The following GLI2 variants were observed in gnomAD, a reference collection of about 807,000 sequenced individuals.
GLI2 encodes the protein transcription activator GLI2.
GLI2 carries 22 observed loss-of-function variants against 78.9 expected under a neutral mutation model. The ratio of observed to expected loss-of-function variants is 0.28; its 90% confidence interval spans 0.20 to 0.40. The LOEUF is 0.40. Ranked by LOEUF, GLI2 falls within the 10% of genes least tolerant of loss-of-function variation. GLI2 has a pLI of 1.00. For synonymous variants in GLI2, 974 were observed against 963.7 expected (o/e 1.01, Z -0.20); for missense variants, 2,097 against 2,213.2 (o/e 0.95, Z 1.05).
intron 3 of GLI2, among the ~76,000 whole-genome samples, chr2:120,948,744 C>T (rs1680836735): frequency 1.3e-5 from 2 of 152,180 alleles, no homozygotes; most frequent in Admixed American, 1.3e-4. Flanking sequence ...TGGCACACCC[C>T]ACAGGGCAAC....
intron 2 of GLI2, among the ~76,000 whole-genome samples, chr2:120,881,694 TC>T (rs1677144591): frequency 3.5e-5 from 1 of 28,616 alleles, no homozygotes; most frequent in Non-Finnish European, 6.7e-5. Flanking sequence ...GGGAGGATAG[TC>T]GGGAGGACAG....
chr2:120,955,152 CCTTTTTTTTTTTT>C lies in GLI2; in HGVS notation c.458-92_458-80del, dbSNP rs1292028642. On this transcript the variant is annotated intron_variant, in intron 4 of 13. Coordinates refer to ENST00000361492, the MANE Select transcript of GLI2 (RefSeq NM_001374353.1). ...GACACCAGGTGTGCATTTCTCTCTG[CCTTTTTTTTTTTT>C]TTTTTTTTTTTTTTTTGGCAGGAGA... is the stretch of plus-strand genomic sequence containing the variant. 2.8e-3 allele frequency: 867 copies of C among 304,810 alleles called. 10 individuals are homozygous for C. The highest frequency in any genetic ancestry group is 0.014 in the African/African-American group (523 of 38,314). 18.9% of individuals were successfully genotyped at this position (304,810 alleles called of 1,614,324 possible).
At chr2:120,773,903 CTCCTTCCTTCCT>C (rs535223818) in intron 1 of GLI2, among the ~76,000 whole-genome samples, 3 of 114,082 alleles carry the variant, frequency 2.6e-5, no homozygotes, top group Non-Finnish European at 5.2e-5. Flanking sequence ...CCCTGCCTCC[CTCCTTCCTTCCT>C]TCCTTCCTTC....
chr2:120,846,143 A>T (rs547227894), intron 2 of GLI2, among the ~76,000 whole-genome samples: 1 of 152,242 alleles, frequency 6.6e-6, no homozygotes, highest in Non-Finnish European at 1.5e-5. Context: ...CCCGTCAGTC[A>T]TTCTGGTTTC....
chr2:120,842,443 C>G (rs1573465107), intron 2 of GLI2, among the ~76,000 whole-genome samples: 1 of 151,988 alleles, frequency 6.6e-6, no homozygotes, highest in Non-Finnish European at 1.5e-5. Flanking sequence ...GTTTGGTATT[C>G]CATTATGTGG....
In GLI2 at chr2:120,822,331, A is replaced by G. The variant is rs76369699; in HGVS notation, c.148+24863A>G. 2.6e-3 allele frequency among the ~76,000 whole-genome samples: 399 copies of G among 152,360 alleles called. 3 individuals are homozygous for G. Among genetic ancestry groups the G allele is most frequent in the African/African-American group, 8.9e-3 (371 of 41,570 alleles). ...GCATAGTGCCCTGCACAGCGGGTCC[A>G]GCTCAAGGGACAGGGACAAAATGAC... On this transcript the variant is annotated intron_variant, in intron 2 of 13. Transcript: ENST00000361492.
intron 2 of GLI2, among the ~76,000 whole-genome samples, chr2:120,808,897 G>A (rs1000751548): frequency 1.3e-5 from 2 of 151,984 alleles, no homozygotes; most frequent in South Asian, 2.1e-4. Flanking sequence ...TCAGTGGCTC[G>A]GGCACTGTGG....
intron 2 of GLI2, among the ~76,000 whole-genome samples, chr2:120,904,515 A>G (rs981698835): frequency 6.6e-5 from 10 of 152,196 alleles, no homozygotes; most frequent in African/African-American, 2.2e-4. Flanking sequence ...TCCTGGGTGC[A>G]GGACAGGGTC....
chr2:120,783,437 G>T (rs1345909160), intron 1 of GLI2, among the ~76,000 whole-genome samples: 2 of 152,254 alleles, frequency 1.3e-5, no homozygotes, highest in South Asian at 4.2e-4. Flanking sequence ...TGCAGGCTCC[G>T]TGTAGACTGG....
intron 2 of GLI2, among the ~76,000 whole-genome samples, chr2:120,815,218 C>A (rs1310194831): frequency 1.3e-5 from 2 of 152,172 alleles, no homozygotes; most frequent in South Asian, 4.1e-4. Flanking sequence ...CACTTAAACC[C>A]TTACCTTTGG....
intron 3 of GLI2, among the ~76,000 whole-genome samples, chr2:120,939,127 C>G (rs1002238802): frequency 6.6e-6 from 1 of 152,024 alleles, no homozygotes; most frequent in Non-Finnish European, 1.5e-5. Context: ...ACTAAAAATA[C>G]AAAAATTAGC....
intron 2 of GLI2, among the ~76,000 whole-genome samples, chr2:120,858,721 A>T (rs1041872164): frequency 4.6e-5 from 7 of 152,126 alleles, no homozygotes; most frequent in African/African-American, 1.4e-4. Context: ...TGAGCATGAG[A>T]TGATGTCAGG....
intron 2 of GLI2, among the ~76,000 whole-genome samples, chr2:120,877,888 A>T (rs572278064): frequency 6.6e-6 from 1 of 152,302 alleles, no homozygotes; most frequent in Non-Finnish European, 1.5e-5. Context: ...ATACCTAGGA[A>T]TGGAACTGCT....
intron 10 of GLI2, 87 bp downstream of exon 10, chr2:120,978,670 C>T: frequency 7.0e-7 from 1 of 1,428,764 alleles, no homozygotes; most frequent in South Asian, 1.2e-5. Context: ...GGTGGCTGGC[C>T]ACAGGCACAC....
At position 120,936,026 on chromosome 2, in the gene GLI2, C is replaced by T. The variant is rs138231610; in HGVS notation, c.254+8560C>T. ...TGGGCGTGCAGTGGGGGAGGGGCTG[C>T]GGCAGGATCGGGATGAACTATTCGG... On this transcript the variant is annotated intron_variant, in intron 3 of 13. Coordinates refer to ENST00000361492, the MANE Select transcript of GLI2 (RefSeq NM_001374353.1). Among the ~76,000 whole-genome samples the T allele has an allele frequency of 2.8e-4, 43 of 152,188 alleles. No individual in the cohort carries two copies. The East Asian group carries it at 7.9e-3, about 28-fold the overall frequency.
At position 120,824,331 on chromosome 2, in the gene GLI2, C is replaced by T. The variant is rs141204002; in HGVS notation, c.148+26863C>T. On this transcript the variant is annotated intron_variant, in intron 2 of 13. Transcript: ENST00000361492. The stretch of plus-strand genomic sequence containing the variant: ...TTGACCTTGACTGTTACGAGTTTGC[C>T]CCTTGGCCAGGGGGACTGTGTGGAG... 2.5e-3 allele frequency among the ~76,000 whole-genome samples: 385 copies of T among 152,316 alleles called. 2 individuals carry two copies. Among genetic ancestry groups the T allele is most frequent in the African/African-American group, 7.6e-3 (314 of 41,568 alleles).
chr2:120,888,408 C>G (rs1677518911), intron 2 of GLI2, among the ~76,000 whole-genome samples: 1 of 152,216 alleles, frequency 6.6e-6, no homozygotes, highest in African/African-American at 2.4e-5. Flanking sequence ...GAACAAAGCC[C>G]AAGGGTTCCA....
intron 1 of GLI2, among the ~76,000 whole-genome samples, chr2:120,759,458 G>C (rs1375674799): frequency 6.6e-6 from 1 of 152,166 alleles, no homozygotes. Context: ...TGATTAATGT[G>C]CTAGAACAGC....
At chr2:120,971,827 C>T in intron 7 of GLI2, 114 bp from the exon 8 acceptor site, 2 of 910,758 alleles carry the variant, frequency 2.2e-6, no homozygotes, top group South Asian at 1.3e-5. Context: ...ACTTTAAACA[C>T]AGGGTTAGCC....
Sources: gnomAD v4.1 joint callset for allele counts (sites outside exome capture counted in the v4.1 genomes callset) on GRCh38, gnomAD v4.1.1 for gene constraint, MANE v1.5 for transcripts, NCBI Gene and HGNC (gene_info 2026-07-23, HGNC 2026-07-21) for gene names.